The following PBX3 variants were observed in gnomAD, a reference collection of about 807,000 sequenced individuals.
PBX3 encodes the protein PBX homeobox 3.
A neutral mutation model predicts 48.5 loss-of-function variants in PBX3; 14 were observed. The ratio of observed to expected loss-of-function variants is 0.29; its 90% CI spans 0.19 to 0.45. The LOEUF (loss-of-function observed/expected upper bound fraction) is 0.45, where lower values mean the gene tolerates loss of function less well. Among genes scored for constraint, PBX3 ranks in the 20% least tolerant of loss-of-function variants. PBX3 has a pLI of 1.00. For synonymous variants in PBX3, 210 were observed against 200.3 expected (o/e 1.05, Z -0.41); for missense variants, 386 against 546.7 (o/e 0.71, Z 2.93).
intron 2 of PBX3, among the ~76,000 whole-genome samples, chr9:125,883,385 AT>A (rs1391586564): frequency 6.6e-6 from 1 of 152,242 alleles, no homozygotes; most frequent in Non-Finnish European, 1.5e-5. Context: ...AACCTAAGTA[AT>A]ACAAAAGTAA....
At chr9:125,820,068 A>G (rs1838603591) in intron 2 of PBX3, among the ~76,000 whole-genome samples, 2 of 152,216 alleles carry the variant, frequency 1.3e-5, no homozygotes, top group African/African-American at 4.8e-5. Flanking sequence ...AAATGGGTGC[A>G]TGAAAACGTT....
chr9:125,808,480 A>T (rs772288889), intron 2 of PBX3, among the ~76,000 whole-genome samples: 1 of 152,018 alleles, frequency 6.6e-6, no homozygotes, highest in Non-Finnish European at 1.5e-5. Flanking sequence ...ATTTGAGACC[A>T]CCCTGGGGAC....
At chr9:125,766,927 AG>A (rs1489328630) in intron 2 of PBX3, among the ~76,000 whole-genome samples, 1 of 39,738 alleles carries the variant, frequency 2.5e-5, no homozygotes, top group Non-Finnish European at 8.9e-5. Context: ...GATTGGGAAC[AG>A]AATACAGTAA....
intron 2 of PBX3, among the ~76,000 whole-genome samples, chr9:125,914,154 A>T (rs1215955179): frequency 1.3e-5 from 2 of 152,220 alleles, no homozygotes; most frequent in Non-Finnish European, 2.9e-5. Context: ...CCTATTTTTA[A>T]TTATCAGCAG....
At chr9:125,805,716 G>A (rs1838106354) in intron 2 of PBX3, among the ~76,000 whole-genome samples, 1 of 152,198 alleles carries the variant, frequency 6.6e-6, no homozygotes, top group South Asian at 2.1e-4. Context: ...TTGGTTAAAT[G>A]ATGGTGCCTT....
intron 2 of PBX3, among the ~76,000 whole-genome samples, chr9:125,860,046 ACAAACAACCTC>A (rs2132286231): frequency 6.6e-6 from 1 of 152,338 alleles, no homozygotes; most frequent in Admixed American, 6.5e-5. Context: ...TGCCACTGTA[ACAAACAACCTC>A]CAAATCTTTA....
intron 2 of PBX3, among the ~76,000 whole-genome samples, chr9:125,832,096 T>C (rs1838976611): frequency 6.6e-6 from 1 of 152,192 alleles, no homozygotes; most frequent in Admixed American, 6.5e-5. Context: ...TTAGATTTTA[T>C]ATTTATATAT....
chr9:125,748,324 G>A (rs1284460282), intron 1 of PBX3: 8 of 1,213,180 alleles, frequency 6.6e-6, no homozygotes, highest in Non-Finnish European at 8.3e-6. Flanking sequence ...CGAGGCTGCT[G>A]CCTGCCGGGC....
At chr9:125,874,302 C>T (rs751326017) in intron 2 of PBX3, among the ~76,000 whole-genome samples, 6 of 152,056 alleles carry the variant, frequency 3.9e-5, no homozygotes, top group Non-Finnish European at 8.8e-5. Flanking sequence ...AATTATATAC[C>T]GTTGTAAACA....
chr9:125,888,696 A>G lies in PBX3; in HGVS notation c.275-26990A>G, dbSNP rs1356817094. Reference sequence around the variant, plus strand: ...AAACTGGTAATTAATTTGTTCATAAATTTATAATGCCCTGTTTCAGTCTAA... The same window carrying G: ...AAACTGGTAATTAATTTGTTCATAAGTTTATAATGCCCTGTTTCAGTCTAA... On this transcript the variant is annotated intron_variant, in intron 2 of 8. Coordinates refer to ENST00000373489, the MANE Select transcript of PBX3 (RefSeq NM_006195.6). Among the ~76,000 whole-genome samples the G allele has an allele frequency of 2.0e-5, 3 of 152,170 alleles. No homozygotes were observed. In the East Asian group the frequency reaches 5.8e-4, roughly 29 times the overall value.
At chr9:125,921,829 G>A (rs756694960) in intron 3 of PBX3, among the ~76,000 whole-genome samples, 1 of 152,046 alleles carries the variant, frequency 6.6e-6, no homozygotes, top group Non-Finnish European at 1.5e-5. Flanking sequence ...AAATTTGAGG[G>A]GCATCTACTT....
intron 5 of PBX3, among the ~76,000 whole-genome samples, chr9:125,945,078 G>A (rs578187210): frequency 3.9e-5 from 6 of 152,210 alleles, no homozygotes; most frequent in Admixed American, 2.0e-4. Context: ...CAAAAAATTA[G>A]CTGGGCATGG....
chr9:125,842,667 A>T (rs544229623), intron 2 of PBX3, among the ~76,000 whole-genome samples: 11 of 152,262 alleles, frequency 7.2e-5, no homozygotes, highest in African/African-American at 2.6e-4. Context: ...TTGACCCAAG[A>T]TTATGGGGTT....
intron 2 of PBX3, among the ~76,000 whole-genome samples, chr9:125,818,888 T>C (rs1401303001): frequency 6.6e-6 from 1 of 152,064 alleles, no homozygotes. Context: ...CAGGCTGGAG[T>C]GCAGTGGTGT....
At chr9:125,789,385 T>TAA (rs1485468668) in intron 2 of PBX3, among the ~76,000 whole-genome samples, 2 of 152,188 alleles carry the variant, frequency 1.3e-5, no homozygotes, top group Non-Finnish European at 2.9e-5. Flanking sequence ...GGGCTGCAGT[T>TAA]ATCTTGAGAG....
chr9:125,944,504 G>A (rs1303667417), intron 5 of PBX3, among the ~76,000 whole-genome samples: 1 of 152,182 alleles, frequency 6.6e-6, no homozygotes, highest in East Asian at 1.9e-4. Context: ...AGACAGATGT[G>A]TTACTGACAG....
chr9:125,923,425 G>A (rs1841497605), intron 3 of PBX3, among the ~76,000 whole-genome samples: 1 of 152,142 alleles, frequency 6.6e-6, no homozygotes, highest in Non-Finnish European at 1.5e-5. Flanking sequence ...TGGTACAGCA[G>A]TTTTCAAACT....
At chr9:125,805,248 T>C (rs969022421) in intron 2 of PBX3, among the ~76,000 whole-genome samples, 1 of 151,380 alleles carries the variant, frequency 6.6e-6, no homozygotes, top group East Asian at 1.9e-4. Context: ...TAAGGATTTG[T>C]TGGACTTGAG....
chr9:125,886,121 A>T (rs892218094), intron 2 of PBX3, among the ~76,000 whole-genome samples: 3 of 152,098 alleles, frequency 2.0e-5, no homozygotes, highest in Admixed American at 1.3e-4. Context: ...TAGATAGTGC[A>T]TGGGGAAACA....
Sources: gnomAD v4.1 joint callset for allele counts (sites outside exome capture counted in the v4.1 genomes callset) on GRCh38, gnomAD v4.1.1 for gene constraint, MANE v1.5 for transcripts, NCBI Gene and HGNC (gene_info 2026-07-23, HGNC 2026-07-21) for gene names.